CAMTA1: variants seen among roughly 807,000 people sequenced by gnomAD.
CAMTA1 encodes calmodulin-binding transcription activator 1.
Under a neutral mutation model 170.9 loss-of-function variants are expected in CAMTA1, and 27 were observed. The ratio of observed to expected loss-of-function variants is 0.16; its 90% CI spans 0.12 to 0.22. CAMTA1 has a LOEUF of 0.22. Among genes scored for constraint, CAMTA1 ranks in the 10% least tolerant of loss-of-function variants. The pLI is 1.00. For synonymous variants in CAMTA1, 833 were observed against 891.5 expected (o/e 0.93, Z 1.17); for missense variants, 1,619 against 2,217.2 (o/e 0.73, Z 5.42).
At chr1:6,979,930 A>G (rs1232658846) in intron 3 of CAMTA1, among the ~76,000 whole-genome samples, 2 of 152,156 alleles carry the variant, frequency 1.3e-5, no homozygotes, top group Non-Finnish European at 2.9e-5. Flanking sequence ...TTGAGGGCTC[A>G]GCCCACTATG....
At chr1:7,046,995 T>A (rs1705487153) in intron 3 of CAMTA1, among the ~76,000 whole-genome samples, 1 of 152,162 alleles carries the variant, frequency 6.6e-6, no homozygotes, top group African/African-American at 2.4e-5. Context: ...CCTGCCCCCT[T>A]TGAAGTTAGG....
intron 5 of CAMTA1, chr1:7,441,492 T>A (rs2092534074): frequency 6.6e-6 from 1 of 152,078 alleles, no homozygotes; most frequent in Admixed American, 6.5e-5. Flanking sequence ...GAAGTGAAAA[T>A]GCAGAGCCGA....
rs903809147 is a variant in CAMTA1 at position 6,965,637 on chromosome 1, G to A, written c.235-125667G>A. 2.6e-5 allele frequency among the ~76,000 whole-genome samples: 4 copies of A among 152,160 alleles called. No homozygotes were observed. Among genetic ancestry groups the A allele is most frequent in the African/African-American group, 4.8e-5 (2 of 41,426 alleles). On this transcript the variant is annotated intron_variant, in intron 3 of 22. Coordinates refer to ENST00000303635, the MANE Select transcript of CAMTA1 (RefSeq NM_015215.4). The surrounding 1 kb of genome is among the most constrained non-coding windows in gnomAD (Gnocchi z 4.1). ...CGCCTGTTAGCTAATCAACAGTGAG[G>A]AGAAAGTCCTGACAACAAGTAAAGA...
intron 4 of CAMTA1, among the ~76,000 whole-genome samples, chr1:7,132,679 C>T (rs757251426): frequency 6.6e-6 from 1 of 152,090 alleles, no homozygotes; most frequent in Non-Finnish European, 1.5e-5. Context: ...ATTCTGCATG[C>T]CTTTTATCCA....
chr1:7,729,320 A>G (rs1469159920), intron 11 of CAMTA1, among the ~76,000 whole-genome samples: 1 of 152,032 alleles, frequency 6.6e-6, no homozygotes, highest in Non-Finnish European at 1.5e-5. Flanking sequence ...GGGTTTCACC[A>G]TGTTGGCCAG....
At chr1:6,914,102 CTTTTTTT>C (rs35814913) in intron 3 of CAMTA1, among the ~76,000 whole-genome samples, 3 of 122,070 alleles carry the variant, frequency 2.5e-5, no homozygotes, top group Non-Finnish European at 3.3e-5. Context: ...GGGCTCATCT[CTTTTTTT>C]TTTTTTTTTT....
intron 1 of CAMTA1, among the ~76,000 whole-genome samples, chr1:6,813,518 A>G (rs1645428965): frequency 6.8e-6 from 1 of 148,060 alleles, no homozygotes; most frequent in Non-Finnish European, 1.5e-5. Flanking sequence ...AGTAGCTTTT[A>G]TCATATTCCT....
At chr1:6,827,006 G>A (rs1234854135) in intron 3 of CAMTA1, among the ~76,000 whole-genome samples, 1 of 152,122 alleles carries the variant, frequency 6.6e-6, no homozygotes, top group African/African-American at 2.4e-5. Flanking sequence ...ATCCGATAAA[G>A]AATTTTTATA....
In CAMTA1 at chr1:7,044,866, C is replaced by CGAG. The variant is rs1242734227; in HGVS notation, c.235-46438_235-46437insGAG. Reference sequence around the variant, plus strand: ...CCATTCCTGTCTGCCAGCAGTGCCTCCTCTCCCCATTAACATCCCGCCATT... The same window carrying CGAG: ...CCATTCCTGTCTGCCAGCAGTGCCTCGAGCTCTCCCCATTAACATCCCGCCATT... On this transcript the variant is annotated intron_variant, in intron 3 of 22. Transcript: ENST00000303635. This position sits in a 1 kb window ranked among gnomAD's most constrained non-coding sequence, Gnocchi z 5.0. Among the ~76,000 whole-genome samples the CGAG allele has an allele frequency of 7.3e-4, 107 of 146,244 alleles. No homozygotes were observed. Among genetic ancestry groups the CGAG allele is most frequent in the African/African-American group, 2.6e-3 (101 of 38,840 alleles).
intron 3 of CAMTA1, among the ~76,000 whole-genome samples, chr1:7,062,708 C>T (rs775128298): frequency 1.3e-5 from 2 of 152,192 alleles, no homozygotes; most frequent in Middle Eastern, 3.2e-3. Context: ...GGTGGCTTTA[C>T]CCAACAGAAA....
At chr1:7,415,556 G>C (rs1001920707) in intron 5 of CAMTA1, among the ~76,000 whole-genome samples, 19 of 151,860 alleles carry the variant, frequency 1.3e-4, no homozygotes, top group Non-Finnish European at 2.2e-4. Flanking sequence ...TTTAAAGTCT[G>C]TTTTATCAGA....
At chr1:6,901,267 T>C (rs1230658421) in intron 3 of CAMTA1, among the ~76,000 whole-genome samples, 1 of 152,236 alleles carries the variant, frequency 6.6e-6, no homozygotes, top group Non-Finnish European at 1.5e-5. Flanking sequence ...AGACCTAAGT[T>C]TAAATCTATA....
At chr1:7,051,994 T>G (rs1260807173) in intron 3 of CAMTA1, among the ~76,000 whole-genome samples, 4 of 135,844 alleles carry the variant, frequency 2.9e-5, no homozygotes, top group Non-Finnish European at 6.1e-5. Flanking sequence ...GGCTCTGCCG[T>G]GGGGACACTG....
intron 3 of CAMTA1, among the ~76,000 whole-genome samples, chr1:6,825,439 C>T (rs975563039): frequency 3.9e-5 from 6 of 152,180 alleles, no homozygotes; most frequent in African/African-American, 1.4e-4. Context: ...GTTGACTTAA[C>T]TAAAGTAGCA....
intron 19 of CAMTA1, 72 bp from the exon 20 acceptor site, chr1:7,751,127 G>C: frequency 8.2e-7 from 1 of 1,215,156 alleles, no homozygotes; most frequent in Non-Finnish European, 1.2e-6. Flanking sequence ...TCCCTTCCCG[G>C]TAAGCTCGAA....
intron 11 of CAMTA1, among the ~76,000 whole-genome samples, chr1:7,687,919 A>G (rs947414): frequency 0.47 from 71,824 of 151,866 alleles, 17,094 homozygotes; most frequent in East Asian, 0.65. Context: ...GGGTGCAAGA[A>G]TCGTGCAGAT....
chr1:7,107,957 G>A (rs1643772895), intron 4 of CAMTA1, among the ~76,000 whole-genome samples: 1 of 152,148 alleles, frequency 6.6e-6, no homozygotes, highest in Non-Finnish European at 1.5e-5. Context: ...CTTGAGAAGG[G>A]TGCCTCTCAA....
intron 6 of CAMTA1, among the ~76,000 whole-genome samples, chr1:7,555,421 C>T (rs1159970737): frequency 2.0e-5 from 3 of 152,124 alleles, no homozygotes; most frequent in Admixed American, 1.3e-4. Context: ...CTGCTGCCCT[C>T]CACCCACCTG....
At chr1:7,663,064 C>A (rs936893311) in intron 8 of CAMTA1, among the ~76,000 whole-genome samples, 1 of 152,216 alleles carries the variant, frequency 6.6e-6, no homozygotes, top group African/African-American at 2.4e-5. Flanking sequence ...CTTCTCCTTC[C>A]CAACTTCCCA....
Sources: allele counts gnomAD v4.1 joint callset (sites outside exome capture counted in the v4.1 genomes callset), GRCh38; gene constraint gnomAD v4.1.1; non-coding constraint Gnocchi (gnomAD v3.1); transcripts MANE v1.5; gene names NCBI Gene and HGNC (gene_info 2026-07-23, HGNC 2026-07-21).